SPOCK3: variants seen among roughly 807,000 people sequenced by gnomAD.
The protein encoded by SPOCK3 is SPARC (osteonectin), cwcv and kazal like domains proteoglycan 3.
SPOCK3 carries 30 observed loss-of-function variants against 56.6 expected under a neutral mutation model. The observed-to-expected ratio is 0.53, with a 90% CI of 0.40 to 0.72. The LOEUF (loss-of-function observed/expected upper bound fraction) is 0.72, where lower values mean the gene tolerates loss of function less well. Ranked by LOEUF, SPOCK3 falls within the 30% of genes least tolerant of loss-of-function variation. SPOCK3 has a pLI of 0.00. For synonymous variants in SPOCK3, 196 were observed against 183.3 expected (o/e 1.07, Z -0.56); for missense variants, 527 against 530.0 (o/e 0.99, Z 0.06).
chr4:166,927,107 G>T (rs149527248), intron 4 of SPOCK3, among the ~76,000 whole-genome samples: 23 of 152,290 alleles, frequency 1.5e-4, no homozygotes, highest in African/African-American at 4.8e-4. Flanking sequence ...GGATTTACTT[G>T]TTGGAAGACA....
At chr4:166,920,510 C>A (rs974525657) in intron 4 of SPOCK3, among the ~76,000 whole-genome samples, 1 of 152,144 alleles carries the variant, frequency 6.6e-6, no homozygotes, top group African/African-American at 2.4e-5. Flanking sequence ...AGCTTTCAAC[C>A]ATTAACTGTG....
At chr4:167,223,978 C>T (rs1381410387) in intron 2 of SPOCK3, among the ~76,000 whole-genome samples, 1 of 151,932 alleles carries the variant, frequency 6.6e-6, no homozygotes, top group African/African-American at 2.4e-5. Context: ...TTCTCTACAG[C>T]CATAGTGAGT....
chr4:166,988,056 G>A (rs1012499044), intron 4 of SPOCK3, among the ~76,000 whole-genome samples: 5 of 152,044 alleles, frequency 3.3e-5, no homozygotes, highest in Admixed American at 3.3e-4. Context: ...TAAGCTAACA[G>A]ATACAGAAAG....
At chr4:166,994,546 G>C (rs559220961) in intron 4 of SPOCK3, among the ~76,000 whole-genome samples, 1 of 152,190 alleles carries the variant, frequency 6.6e-6, no homozygotes, top group East Asian at 1.9e-4. Context: ...AGCTACCTGG[G>C]CCAGATTATA....
At chr4:167,174,640 G>C (rs1730809438) in intron 2 of SPOCK3, among the ~76,000 whole-genome samples, 2 of 152,016 alleles carry the variant, frequency 1.3e-5, no homozygotes, top group African/African-American at 4.8e-5. Context: ...GAGAATGAAG[G>C]CTCTAGAAGC....
intron 2 of SPOCK3, chr4:167,119,924 G>T (rs1761728694): frequency 1.6e-5 from 21 of 1,291,866 alleles, no homozygotes; most frequent in Non-Finnish European, 2.2e-5. Flanking sequence ...AAGAAAGAAA[G>T]AAAAGAATAA....
chr4:167,180,103 A>G (rs1342284040), intron 2 of SPOCK3, among the ~76,000 whole-genome samples: 1 of 152,150 alleles, frequency 6.6e-6, no homozygotes, highest in Non-Finnish European at 1.5e-5. Flanking sequence ...GAGAAGTAGT[A>G]CTTTTAAGTA....
chr4:167,231,883 T>A (rs895679290), intron 2 of SPOCK3, among the ~76,000 whole-genome samples: 3 of 152,282 alleles, frequency 2.0e-5, no homozygotes, highest in Non-Finnish European at 4.4e-5. Flanking sequence ...ACTGTCTTAC[T>A]AAAATGGTAA....
chr4:167,005,310 T>C (rs896139049), intron 3 of SPOCK3, among the ~76,000 whole-genome samples: 4 of 151,898 alleles, frequency 2.6e-5, no homozygotes, highest in African/African-American at 9.7e-5. Context: ...CCCGGGTTCA[T>C]GCCATTCTCC....
Position 167,234,069 on chromosome 4 carries a change from G to A in SPOCK3, c.105C>T (p.Gly35=). 6.2e-7 allele frequency: 1 copy of A among 1,613,876 alleles called. No homozygotes were observed. Among genetic ancestry groups the A allele is most frequent in the Non-Finnish European group, 8.5e-7 (1 of 1,179,974 alleles). The change falls in exon 2 of 11, where the codon GGC becomes GGT. Residue 35 remains glycine, a synonymous_variant. Transcript: ENST00000357545. Reference sequence around the variant, plus strand: ...ATTGTTTATCATCCAGAAAATTACCGCCGTCCGACCGCCCCCCGGCTGCAG... The same window carrying A: ...ATTGTTTATCATCCAGAAAATTACCACCGTCCGACCGCCCCCCGGCTGCAG... The part of the protein sequence containing the change: ...AVAAAGGRSD[G]GNFLDDKQWL...
At chr4:167,015,586 T>A (rs1459346349) in intron 3 of SPOCK3, among the ~76,000 whole-genome samples, 1 of 152,152 alleles carries the variant, frequency 6.6e-6, no homozygotes, top group Non-Finnish European at 1.5e-5. Flanking sequence ...GGCAGGTAAA[T>A]GAGCCTTATG....
At chr4:167,042,925 T>C (rs1753360868) in intron 3 of SPOCK3, among the ~76,000 whole-genome samples, 1 of 152,170 alleles carries the variant, frequency 6.6e-6, no homozygotes, top group Non-Finnish European at 1.5e-5. Flanking sequence ...GTTTACTTAT[T>C]ACTGGCAGCA....
chr4:166,847,647 T>TATA (rs1748203803), intron 6 of SPOCK3, among the ~76,000 whole-genome samples: 13 of 55,368 alleles, frequency 2.3e-4, no homozygotes, highest in African/African-American at 6.6e-4. Flanking sequence ...AAATCCTAGT[T>TATA]TATATATATA....
intron 2 of SPOCK3, among the ~76,000 whole-genome samples, chr4:167,183,032 C>T (rs1257715831): frequency 5.3e-5 from 8 of 152,026 alleles, no homozygotes; most frequent in Non-Finnish European, 1.0e-4. Context: ...GTTGAAGAGA[C>T]TGTGCAAGTT....
chr4:167,104,973 A>C (rs1759971749), intron 2 of SPOCK3, among the ~76,000 whole-genome samples: 1 of 152,082 alleles, frequency 6.6e-6, no homozygotes, highest in Admixed American at 6.6e-5. Context: ...GAAAAACAAC[A>C]TCAACAAACT....
chr4:166,975,199 A>G (rs1018190455), intron 4 of SPOCK3, among the ~76,000 whole-genome samples: 3 of 152,314 alleles, frequency 2.0e-5, no homozygotes, highest in Admixed American at 1.3e-4. Flanking sequence ...TCTTTTCATT[A>G]TAAATTATCC....
At chr4:166,737,280 C>G (rs999235333) in intron 10 of SPOCK3, among the ~76,000 whole-genome samples, 187 bp downstream of exon 10, 2 of 152,052 alleles carry the variant, frequency 1.3e-5, no homozygotes, top group African/African-American at 2.4e-5. Context: ...ATGCAATGAC[C>G]ACTTATTATC....
intron 6 of SPOCK3, among the ~76,000 whole-genome samples, chr4:166,813,007 A>G (rs1319752114): frequency 6.6e-6 from 1 of 151,968 alleles, no homozygotes; most frequent in African/African-American, 2.4e-5. Context: ...CAATGATTCC[A>G]TTTCATTGCA....
At chr4:166,927,031 C>A (rs1472536353) in intron 4 of SPOCK3, among the ~76,000 whole-genome samples, 1 of 152,002 alleles carries the variant, frequency 6.6e-6, no homozygotes, top group Admixed American at 6.6e-5. Flanking sequence ...AAAAAGTCCA[C>A]ATATATATAT....
Sources: gnomAD v4.1 joint callset for allele counts (sites outside exome capture counted in the v4.1 genomes callset) on GRCh38, gnomAD v4.1.1 for gene constraint, MANE v1.5 for transcripts, NCBI Gene and HGNC (gene_info 2026-07-23, HGNC 2026-07-21) for gene names.